NAALADL2: variants seen among roughly 807,000 people sequenced by gnomAD.
The protein encoded by NAALADL2 is inactive N-acetylated-alpha-linked acidic dipeptidase-like protein 2.
Under a neutral mutation model 87.2 loss-of-function variants are expected in NAALADL2, and 76 were observed. The ratio of observed to expected loss-of-function variants is 0.87; its 90% confidence interval spans 0.72 to 1.05. The LOEUF (loss-of-function observed/expected upper bound fraction) is 1.05. Among genes scored for constraint, NAALADL2 ranks in the 50% least tolerant of loss-of-function variants. NAALADL2 has a pLI of 0.00. For missense variants in NAALADL2, 1,089 were observed against 945.8 expected, an observed-to-expected ratio of 1.15 and a Z score of -1.99; for synonymous variants, 354 against 331.0, an observed-to-expected ratio of 1.07 and a Z score of -0.75.
intron 3 of NAALADL2, among the ~76,000 whole-genome samples, chr3:174,785,440 T>C (rs507985): frequency 0.3 from 45,655 of 152,008 alleles, 6,854 homozygotes; most frequent in Middle Eastern, 0.34. Flanking sequence ...TTGTTGAAGA[T>C]CAAATGGCTG....
chr3:174,788,613 C>CCT (rs1717096385), intron 3 of NAALADL2, among the ~76,000 whole-genome samples: 1 of 152,068 alleles, frequency 6.6e-6, no homozygotes, highest in African/African-American at 2.4e-5. Context: ...AAATTATTTA[C>CCT]CTTTTAAAGG....
chr3:175,061,104 A>G (rs1201131905), intron 1 of NAALADL2, among the ~76,000 whole-genome samples: 1 of 152,222 alleles, frequency 6.6e-6, no homozygotes, highest in African/African-American at 2.4e-5. Context: ...TTATAAATAC[A>G]TAGTCATGCA....
intron 11 of NAALADL2, among the ~76,000 whole-genome samples, chr3:175,715,719 T>C (rs927718361): frequency 4.6e-5 from 7 of 151,750 alleles, no homozygotes; most frequent in African/African-American, 1.5e-4. Context: ...CTACTAAAAA[T>C]ACAAAAATTA....
chr3:175,364,331 A>C (rs1765330624), intron 5 of NAALADL2, among the ~76,000 whole-genome samples: 1 of 147,830 alleles, frequency 6.8e-6, no homozygotes. Context: ...ATCAGTGGTG[A>C]ATACTGAAAA....
chr3:175,373,988 T>C (rs1766804853), intron 5 of NAALADL2, among the ~76,000 whole-genome samples: 1 of 152,176 alleles, frequency 6.6e-6, no homozygotes, highest in African/African-American at 2.4e-5. Flanking sequence ...TTTCTCTGTA[T>C]ATATGTGTAC....
rs539213756 is a variant in NAALADL2, at chr3:175,007,525, C to G, written c.44-89265C>G. On this transcript the variant is annotated intron_variant, in intron 1 of 13. Transcript: ENST00000454872. ...CTGGCTAACCATCAGAAAGAAGGCC[C>G]CTGGGGCTATAGATTTAGTATGTCT... Among the ~76,000 whole-genome samples, 1,208 of 152,128 alleles carry G rather than the reference C, an allele frequency of 7.9e-3. 9 individuals are homozygous for G. Among genetic ancestry groups the G allele is most frequent in the Non-Finnish European group, 0.013 (876 of 67,982 alleles).
At chr3:174,987,595 A>C (rs964331648) in intron 1 of NAALADL2, among the ~76,000 whole-genome samples, 1 of 141,954 alleles carries the variant, frequency 7.0e-6, no homozygotes, top group Non-Finnish European at 1.5e-5. Flanking sequence ...AAAAAAAAAA[A>C]AAACAATACT....
chr3:174,499,942 G>A (rs1474908006), intron 1 of NAALADL2, among the ~76,000 whole-genome samples: 2 of 151,890 alleles, frequency 1.3e-5, no homozygotes, highest in Non-Finnish European at 2.9e-5. Context: ...TTTAGAATAA[G>A]TTTTTAAATT....
At chr3:175,274,541 G>T (rs1308647949) in intron 4 of NAALADL2, among the ~76,000 whole-genome samples, 1 of 152,084 alleles carries the variant, frequency 6.6e-6, no homozygotes, top group African/African-American at 2.4e-5. Flanking sequence ...GCCCCAGTTT[G>T]CTTCTTCCTT....
intron 13 of NAALADL2, among the ~76,000 whole-genome samples, chr3:175,772,518 CTAG>C (rs1749635507): frequency 6.6e-6 from 1 of 152,154 alleles, no homozygotes; most frequent in South Asian, 2.1e-4. Flanking sequence ...ACAGTTCATT[CTAG>C]TAGTAGAAGT....
At chr3:174,481,893 A>C (rs1007027280) in intron 1 of NAALADL2, among the ~76,000 whole-genome samples, 1 of 152,076 alleles carries the variant, frequency 6.6e-6, no homozygotes, top group African/African-American at 2.4e-5. Context: ...TCATGTCAGC[A>C]TCCTCTGGCC....
At chr3:175,605,210 T>TC (rs1366235003) in intron 10 of NAALADL2, among the ~76,000 whole-genome samples, 1 of 152,162 alleles carries the variant, frequency 6.6e-6, no homozygotes, top group East Asian at 1.9e-4. Flanking sequence ...CAATAAGGAC[T>TC]CCTTTAGGGT....
chr3:175,754,537 A>G (rs1747011881), intron 12 of NAALADL2, among the ~76,000 whole-genome samples: 1 of 152,204 alleles, frequency 6.6e-6, no homozygotes, highest in Non-Finnish European at 1.5e-5. Flanking sequence ...TCAAAGATAT[A>G]TATCAACTTC....
intron 1 of NAALADL2, among the ~76,000 whole-genome samples, chr3:174,872,379 T>C (rs1282831016): frequency 6.6e-6 from 1 of 152,176 alleles, no homozygotes; most frequent in Non-Finnish European, 1.5e-5. Context: ...AGAAACTAGG[T>C]GGCAGAGCCG....
chr3:175,223,264 C>A (rs1743663696), intron 2 of NAALADL2, among the ~76,000 whole-genome samples: 1 of 151,862 alleles, frequency 6.6e-6, no homozygotes, highest in South Asian at 2.1e-4. Context: ...TTCATCAATA[C>A]CTCTCCATTT....
intron 2 of NAALADL2, among the ~76,000 whole-genome samples, chr3:174,553,540 C>T (rs1347498088): frequency 1.3e-5 from 2 of 152,126 alleles, no homozygotes; most frequent in African/African-American, 2.4e-5. Context: ...AATGCATGTG[C>T]GTTCATTAAA....
At chr3:175,346,511 A>G (rs1763173407) in intron 5 of NAALADL2, among the ~76,000 whole-genome samples, 1 of 152,152 alleles carries the variant, frequency 6.6e-6, no homozygotes, top group African/African-American at 2.4e-5. Context: ...TTTTTACCTA[A>G]CAAAAGATGC....
chr3:175,246,051 A>G (rs749085387), intron 3 of NAALADL2, among the ~76,000 whole-genome samples: 2 of 152,170 alleles, frequency 1.3e-5, no homozygotes, highest in Non-Finnish European at 2.9e-5. Context: ...AATGACCATG[A>G]TGGAAAGCCA....
intron 9 of NAALADL2, among the ~76,000 whole-genome samples, chr3:175,544,817 A>C (rs1713015949): frequency 6.6e-6 from 1 of 152,078 alleles, no homozygotes; most frequent in Admixed American, 6.6e-5. Context: ...CACCTAGCCA[A>C]GATTTTTCTG....
Sources: gnomAD v4.1 joint callset for allele counts (sites outside exome capture counted in the v4.1 genomes callset) on GRCh38, gnomAD v4.1.1 for gene constraint, MANE v1.5 for transcripts, NCBI Gene and HGNC (gene_info 2026-07-23, HGNC 2026-07-21) for gene names.